The following GALNTL6 variants were observed in gnomAD, a reference collection of about 807,000 sequenced individuals.
GALNTL6 encodes polypeptide N-acetylgalactosaminyltransferase like 6.
Under a neutral mutation model 73.7 loss-of-function variants are expected in GALNTL6, and 46 were observed. That is an observed-to-expected ratio of 0.62 (90% confidence interval 0.49 to 0.80). The LOEUF is 0.80. Among genes scored for constraint, GALNTL6 ranks in the 30% least tolerant of loss-of-function variants. The pLI is 0.00. For synonymous variants in GALNTL6, 259 were observed against 263.7 expected, an observed-to-expected ratio of 0.98 and a Z score of 0.17; for missense variants, 604 against 755.0, an observed-to-expected ratio of 0.80 and a Z score of 2.34.
intron 2 of GALNTL6, among the ~76,000 whole-genome samples, chr4:172,146,547 G>A (rs1733932616): frequency 6.6e-6 from 1 of 152,128 alleles, no homozygotes; most frequent in Non-Finnish European, 1.5e-5. Context: ...TTTGTTAAAT[G>A]GCAGCATGGT....
chr4:171,821,716 A>G (rs1020798242), intron 2 of GALNTL6, among the ~76,000 whole-genome samples: 1 of 151,314 alleles, frequency 6.6e-6, no homozygotes, highest in Non-Finnish European at 1.5e-5. Context: ...TACCAAGGTA[A>G]TTAGTGTTTG....
At chr4:172,323,604 C>T (rs1341030707) in intron 4 of GALNTL6, among the ~76,000 whole-genome samples, 3 of 152,086 alleles carry the variant, frequency 2.0e-5, no homozygotes, top group Non-Finnish European at 4.4e-5. Flanking sequence ...AATTTGCTAT[C>T]TTTCTAAACA....
intron 10 of GALNTL6, among the ~76,000 whole-genome samples, chr4:172,995,653 C>T (rs1751744255): frequency 6.6e-6 from 1 of 152,216 alleles, no homozygotes; most frequent in Non-Finnish European, 1.5e-5. Flanking sequence ...CTCATTTTCT[C>T]TCCTCTTGTG....
At chr4:171,851,119 G>A (rs1401737184) in intron 2 of GALNTL6, among the ~76,000 whole-genome samples, 3 of 152,164 alleles carry the variant, frequency 2.0e-5, no homozygotes, top group African/African-American at 2.4e-5. Flanking sequence ...GAATGTAAAA[G>A]TAAGAGCATT....
chr4:172,013,554 ATCTTT>A (rs1408088436), intron 2 of GALNTL6, among the ~76,000 whole-genome samples: 15 of 151,744 alleles, frequency 9.9e-5, no homozygotes, highest in African/African-American at 2.9e-4. Flanking sequence ...TCTTTTTAAA[ATCTTT>A]TCTTTTTAAT....
intron 5 of GALNTL6, among the ~76,000 whole-genome samples, chr4:172,482,486 TTGTAA>T (rs1441907584): frequency 2.6e-5 from 4 of 152,082 alleles, no homozygotes; most frequent in African/African-American, 9.7e-5. Flanking sequence ...ATGGGAAGAG[TTGTAA>T]TGTCATACTG....
intron 8 of GALNTL6, among the ~76,000 whole-genome samples, chr4:172,912,631 C>T (rs192308436): frequency 3.9e-5 from 6 of 152,246 alleles, no homozygotes; most frequent in African/African-American, 1.4e-4. Flanking sequence ...CACAGCAGTC[C>T]AAGACCCAAC....
chr4:172,315,508 C>T (rs1740511519), intron 4 of GALNTL6, among the ~76,000 whole-genome samples: 1 of 152,206 alleles, frequency 6.6e-6, no homozygotes, highest in Non-Finnish European at 1.5e-5. Context: ...GCCTTGGCCT[C>T]CCAAAGTGCT....
rs1044663127 is a variant in GALNTL6 at position 172,696,817 on chromosome 4, A to G, written c.554-112544A>G. Among the ~76,000 whole-genome samples the G allele has an allele frequency of 2.0e-5, 3 of 152,214 alleles. No individual in the cohort carries two copies. In the South Asian group the frequency reaches 6.2e-4, roughly 32 times the overall value. On this transcript the variant is annotated intron_variant, in intron 5 of 12. Transcript: ENST00000506823. The stretch of plus-strand genomic sequence containing the variant: ...AACAGACTAATACACAGATTAAGAG[A>G]AAAAAATCATCACTTCTGTAAATGC...
intron 3 of GALNTL6, among the ~76,000 whole-genome samples, chr4:172,311,120 A>T (rs1552247): frequency 0.41 from 62,314 of 151,966 alleles, 15,015 homozygotes; most frequent in South Asian, 0.63. Context: ...ATATCTCAGT[A>T]ATTCCATTTC....
intron 5 of GALNTL6, among the ~76,000 whole-genome samples, chr4:172,516,647 T>A (rs1226767509): frequency 1.3e-5 from 2 of 152,114 alleles, no homozygotes; most frequent in African/African-American, 4.8e-5. Flanking sequence ...GCTGAAAAAA[T>A]TAATTACTGA....
chr4:172,006,670 A>G (rs1237927853), intron 2 of GALNTL6, among the ~76,000 whole-genome samples: 1 of 152,082 alleles, frequency 6.6e-6, no homozygotes, highest in Non-Finnish European at 1.5e-5. Flanking sequence ...ACTTGATGCA[A>G]CAATTGAAGT....
At chr4:171,815,894 G>A (rs576229884) in intron 2 of GALNTL6, 1 of 152,288 alleles carries the variant, frequency 6.6e-6, no homozygotes, top group East Asian at 1.9e-4. Flanking sequence ...AAACTTTAAA[G>A]AGAATGAGTT....
chr4:172,950,809 T>C (rs1749405442), intron 9 of GALNTL6, among the ~76,000 whole-genome samples: 1 of 152,188 alleles, frequency 6.6e-6, no homozygotes, highest in South Asian at 2.1e-4. Context: ...ATCTTCTAAG[T>C]GCAAGTGAGA....
At chr4:172,576,514 A>T (rs1736961146) in intron 5 of GALNTL6, among the ~76,000 whole-genome samples, 1 of 152,210 alleles carries the variant, frequency 6.6e-6, no homozygotes, top group Non-Finnish European at 1.5e-5. Flanking sequence ...TGCAGTCAGG[A>T]AAGCCCATGT....
intron 5 of GALNTL6, among the ~76,000 whole-genome samples, chr4:172,539,598 A>G (rs1735474784): frequency 6.6e-6 from 1 of 152,124 alleles, no homozygotes; most frequent in Non-Finnish European, 1.5e-5. Context: ...AAAAGACCAT[A>G]TTAGCCCAAC....
At chr4:172,332,402 C>G (rs1314346908) in intron 4 of GALNTL6, among the ~76,000 whole-genome samples, 1 of 152,004 alleles carries the variant, frequency 6.6e-6, no homozygotes, top group Non-Finnish European at 1.5e-5. Flanking sequence ...TTTCTTCTAT[C>G]TTACTTTATG....
intron 5 of GALNTL6, among the ~76,000 whole-genome samples, chr4:172,724,099 T>C (rs1349006176): frequency 1.3e-5 from 2 of 152,130 alleles, no homozygotes; most frequent in African/African-American, 4.8e-5. Flanking sequence ...CAGTGTGATA[T>C]CTTTCCAAAA....
intron 5 of GALNTL6, among the ~76,000 whole-genome samples, chr4:172,651,404 A>T (rs1740471026): frequency 6.6e-6 from 1 of 152,222 alleles, no homozygotes; most frequent in Non-Finnish European, 1.5e-5. Context: ...AGGAACTAGA[A>T]TTATACTTCA....
Sources: gnomAD v4.1 joint callset for allele counts (sites outside exome capture counted in the v4.1 genomes callset) on GRCh38, gnomAD v4.1.1 for gene constraint, MANE v1.5 for transcripts, NCBI Gene and HGNC (gene_info 2026-07-23, HGNC 2026-07-21) for gene names.